CEP120: variants seen among roughly 807,000 people sequenced by gnomAD.
CEP120 encodes the protein centrosomal protein of 120 kDa.
CEP120 carries 113 observed loss-of-function variants against 126.5 expected under a neutral mutation model. That is an observed-to-expected ratio of 0.89 (90% CI 0.77 to 1.04). The LOEUF is 1.04. CEP120 is among the 50% of genes least tolerant of loss of function. The pLI is 0.00. For missense variants in CEP120, 1,230 were observed against 1,155.7 expected, an observed-to-expected ratio of 1.06 and a Z score of -0.93; for synonymous variants, 400 against 394.3, an observed-to-expected ratio of 1.01 and a Z score of -0.17.
chr5:123,357,997 G>A (rs1769769819), intron 18 of CEP120, among the ~76,000 whole-genome samples: 1 of 152,032 alleles, frequency 6.6e-6, no homozygotes, highest in African/African-American at 2.4e-5. Context: ...AGAAATGAAT[G>A]TCCCCTAGTA....
At chr5:123,418,745 C>A (rs1208635993) in intron 1 of CEP120, among the ~76,000 whole-genome samples, 4 of 152,102 alleles carry the variant, frequency 2.6e-5, no homozygotes, top group Admixed American at 2.6e-4. Flanking sequence ...TACAGGTGCA[C>A]ACCACCAAAC....
At chr5:123,406,586 GAA>G (rs201100015) in intron 4 of CEP120, among the ~76,000 whole-genome samples, 3 of 135,808 alleles carry the variant, frequency 2.2e-5, no homozygotes, top group South Asian at 2.3e-4. Context: ...ACAATGTTGA[GAA>G]AAAAAAAAAA....
chr5:123,404,041 A>G (rs7715673), intron 4 of CEP120, among the ~76,000 whole-genome samples: 60,619 of 152,106 alleles, frequency 0.4, 12,220 homozygotes, highest in East Asian at 0.48. Flanking sequence ...ATATTGATGT[A>G]AATTTCCCAG....
intron 17 of CEP120, among the ~76,000 whole-genome samples, chr5:123,369,583 C>T (rs1473629537): frequency 6.6e-6 from 1 of 151,978 alleles, no homozygotes; most frequent in Non-Finnish European, 1.5e-5. Context: ...GGCTTAACCT[C>T]ACTTCAGTTC....
chr5:123,388,595 C>T lies in CEP120; in HGVS notation c.1267G>A (p.Val423Ile). 6.4e-7 allele frequency: 1 copy of T among 1,573,774 alleles called. No individual in the cohort carries two copies. Among genetic ancestry groups the T allele is most frequent in the Non-Finnish European group, 8.6e-7 (1 of 1,165,152 alleles). The change falls in exon 9 of 20, where the codon GTA becomes ATA. Residue 423 changes from valine to isoleucine, a missense_variant. By Grantham distance (29) the Val-to-Ile change is conservative. Coordinates refer to ENST00000306467, the MANE Select transcript of CEP120 (RefSeq NM_001375405.1). ...TKPNPKASSS[V>I]PASLAQLVTT... is the part of the protein sequence containing the mutation. ...ACTAGCTGGGCCAGTGAAGCAGGTA[C>T]AGAAGAACTGGCTGAAATGAACATA... is the stretch of plus-strand genomic sequence containing the variant.
At chr5:123,411,177 C>A (rs6595446) in intron 4 of CEP120, among the ~76,000 whole-genome samples, 59,321 of 151,982 alleles carry the variant, frequency 0.39, 11,698 homozygotes, top group East Asian at 0.47. Flanking sequence ...ACACTAACAC[C>A]ACCAAATTCT....
intron 3 of CEP120, among the ~76,000 whole-genome samples, chr5:123,414,181 T>C (rs1053431325): frequency 6.6e-6 from 1 of 152,188 alleles, no homozygotes; most frequent in African/African-American, 2.4e-5. Context: ...TTACCTTCTC[T>C]GCAACTAAAC....
In CEP120 at chr5:123,399,153, C is replaced by T; in HGVS notation, c.595G>A (p.Ala199Thr). ...AGTCTCACCTGTTCCAACTGGGTAG[C>T]AAATGCTATGGTCACTGACATAATA... The part of the protein sequence containing the change: ...SFIMSVTIAF[A>T]TQLEQLIPCT... The change falls in exon 5 of 20, where the codon GCT (alanine) becomes ACT (threonine). Residue 199 changes from alanine to threonine, a missense_variant. Coordinates refer to ENST00000306467, the MANE Select transcript of CEP120 (RefSeq NM_001375405.1). 2 of 1,609,718 alleles carry T rather than the reference C, an allele frequency of 1.2e-6. No individual in the cohort carries two copies. Among genetic ancestry groups the T allele is most frequent in the Non-Finnish European group, 1.7e-6 (2 of 1,177,404 alleles).
chr5:123,416,436 T>C lies in CEP120; in HGVS notation c.207-312A>G, dbSNP rs142647998. On this transcript the variant is annotated intron_variant, in intron 2 of 19. Coordinates refer to ENST00000306467, the MANE Select transcript of CEP120 (RefSeq NM_001375405.1). ...AACAAAAAAAAATAGCTGGGTGTGG[T>C]GCCACGCGCCTGTAATCCCAGATAC... 2.6e-5 allele frequency among the ~76,000 whole-genome samples: 4 copies of C among 151,944 alleles called. No homozygotes were observed. The East Asian group carries it at 7.7e-4, about 29-fold the overall frequency.
chr5:123,371,105 T>C (rs1043481618), intron 17 of CEP120, among the ~76,000 whole-genome samples: 3 of 152,080 alleles, frequency 2.0e-5, no homozygotes, highest in Admixed American at 6.6e-5. Context: ...CCCTATTTTA[T>C]AAACTACTAT....
chr5:123,357,314 G>A (rs1356930644), intron 18 of CEP120, among the ~76,000 whole-genome samples: 1 of 151,990 alleles, frequency 6.6e-6, no homozygotes, highest in African/African-American at 2.4e-5. Context: ...TCTATGAAGT[G>A]ATATCTTTTT....
chr5:123,403,257 G>A (rs781028345), intron 4 of CEP120: 4 of 455,262 alleles, frequency 8.8e-6, no homozygotes, highest in Admixed American at 2.4e-5. Context: ...ATTCTTTACC[G>A]AAAGGAAGCA....
At chr5:123,422,527 G>T (rs1774787458) in intron 1 of CEP120, 9 of 1,535,596 alleles carry the variant, frequency 5.9e-6, no homozygotes, top group Non-Finnish European at 7.8e-6. Context: ...CCTCCAGCAA[G>T]ACGTGTAAAG....
Position 123,422,993 on chromosome 5 carries a change from G to C in CEP120, c.6C>G (p.Val2=), listed in dbSNP as rs1202716183. The C allele has an allele frequency of 6.2e-7, 1 of 1,614,130 alleles. No individual in the cohort carries two copies. The highest frequency in any genetic ancestry group is 1.7e-5 in the Admixed American group (1 of 60,034). Residue 2 remains valine (V), a synonymous_variant, in exon 1 of 20, where the codon GTC becomes GTG. Coordinates refer to ENST00000306467, the MANE Select transcript of CEP120 (RefSeq NM_001375405.1). ...CGATGAGCAATTGGTCGGATTTGGA[G>C]ACCATGGTTGCGGTGAGCGGTCCGG... The part of the protein sequence containing the change: M[V]SKSDQLLIVV...
chr5:123,383,942 A>G (rs1771845285), intron 11 of CEP120, among the ~76,000 whole-genome samples: 1 of 152,136 alleles, frequency 6.6e-6, no homozygotes, highest in South Asian at 2.1e-4. Flanking sequence ...CAACTTTTGT[A>G]TTTTCTTCTT....
At chr5:123,379,953 T>C (rs191663169) in intron 14 of CEP120, among the ~76,000 whole-genome samples, 31 of 152,220 alleles carry the variant, frequency 2.0e-4, no homozygotes, top group African/African-American at 4.6e-4. Flanking sequence ...CTGTGGGTAA[T>C]GACTATCTTC....
chr5:123,359,065 A>C (rs1263356626), intron 18 of CEP120, among the ~76,000 whole-genome samples: 1 of 152,120 alleles, frequency 6.6e-6, no homozygotes, highest in East Asian at 1.9e-4. Context: ...AAAGATTTAC[A>C]TCCCATGCTT....
chr5:123,355,803 T>G (rs1769563436), intron 18 of CEP120, among the ~76,000 whole-genome samples: 1 of 151,694 alleles, frequency 6.6e-6, no homozygotes, highest in Non-Finnish European at 1.5e-5. Context: ...TTGTCAATTT[T>G]GGCTTTTGTT....
At chr5:123,378,098 T>C (rs989411646) in intron 15 of CEP120, among the ~76,000 whole-genome samples, 1 of 151,966 alleles carries the variant, frequency 6.6e-6, no homozygotes, top group Non-Finnish European at 1.5e-5. Context: ...AATAAAGATA[T>C]ATGATAGATG....
Sources: gnomAD v4.1 joint callset for allele counts (sites outside exome capture counted in the v4.1 genomes callset) on GRCh38, gnomAD v4.1.1 for gene constraint, MANE v1.5 for transcripts, NCBI Gene and HGNC (gene_info 2026-07-23, HGNC 2026-07-21) for gene names.